Variants in GAR1 observed in about 807,000 individuals in gnomAD.
The protein encoded by GAR1 is GAR1 ribonucleoprotein.
GAR1 carries 11 observed loss-of-function variants against 29.3 expected under a neutral mutation model. That is an observed-to-expected ratio of 0.38 (90% CI 0.24 to 0.62). The LOEUF (loss-of-function observed/expected upper bound fraction) is 0.62, where lower values mean the gene tolerates loss of function less well. GAR1 is among the 20% of genes least tolerant of loss of function. GAR1 has a pLI of 0.62. For missense variants in GAR1, 237 were observed against 268.4 expected (o/e 0.88, Z 0.82); for synonymous variants, 87 against 93.3 (o/e 0.93, Z 0.39).
intron 4 of GAR1, chr4:109,819,391 C>G (rs775495369): frequency 1.6e-5 from 5 of 308,542 alleles, no homozygotes; most frequent in South Asian, 1.4e-4. Flanking sequence ...GTAAAACTTA[C>G]GTTATTTGAG....
chr4:109,822,135 A>T (rs1000728904), intron 4 of GAR1, among the ~76,000 whole-genome samples: 5 of 142,202 alleles, frequency 3.5e-5, no homozygotes, highest in African/African-American at 1.0e-4. Flanking sequence ...CGTTCTGCAC[A>T]TGTATCCCAG....
intron 4 of GAR1, 71 bp from the exon 5 acceptor site, chr4:109,822,276 A>C: frequency 2.2e-6 from 2 of 928,182 alleles, no homozygotes; most frequent in Non-Finnish European, 3.3e-6. Flanking sequence ...TGACTCTATC[A>C]TGTAGCTTCT....
At chr4:109,824,215 A>T (rs1733592731) in intron 6 of GAR1, among the ~76,000 whole-genome samples, 182 bp downstream of exon 6, 2 of 151,432 alleles carry the variant, frequency 1.3e-5, no homozygotes, top group Non-Finnish European at 2.9e-5. Flanking sequence ...TTTCTTTTCA[A>T]TTTTTTCACC....
intron 4 of GAR1, 99 bp from the exon 5 acceptor site, chr4:109,822,247 GT>G: frequency 1.5e-6 from 1 of 668,184 alleles, no homozygotes; most frequent in South Asian, 1.9e-5. Context: ...TAGGATTGGG[GT>G]TTGAACCCAG....
In GAR1 at chr4:109,816,059, C is replaced by T; in HGVS notation, c.-12-94C>T. On this transcript the variant is annotated intron_variant, in intron 1 of 6. Transcript: ENST00000226796. ...GGTGAGGTGACAGGGCTGCTTTTGT[C>T]TCCTTTATGGTGTTCTCACCGCAGC... 6 of 1,221,564 alleles carry T rather than the reference C, an allele frequency of 4.9e-6. No homozygotes were observed. In the South Asian group the frequency reaches 5.0e-5, roughly 10 times the overall value. 75.7% of individuals were successfully genotyped at this position (1,221,564 alleles called of 1,614,324 possible).
At chr4:109,820,704 A>T (rs1733490580) in intron 4 of GAR1, among the ~76,000 whole-genome samples, 3 of 152,218 alleles carry the variant, frequency 2.0e-5, no homozygotes, top group African/African-American at 7.2e-5. Flanking sequence ...CCACATAGAC[A>T]TCAGGGAGTC....
In GAR1 at chr4:109,824,516, T is replaced by A; in HGVS notation, c.*85T>A. The A allele has an allele frequency of 3.0e-6, 3 of 990,434 alleles. No individual in the cohort carries two copies. The highest frequency in any genetic ancestry group is 1.6e-5 in the African/African-American group (1 of 62,618). The allele number at this position is 990,434 out of a possible 1,614,324, so 61.4% of individuals were successfully genotyped here. Reference sequence around the variant, plus strand: ...TACTATGGATTGGAAACTTGTTTCTTGAACAAGTCTTGAAGATCTTGGTCA... The same window carrying A: ...TACTATGGATTGGAAACTTGTTTCTAGAACAAGTCTTGAAGATCTTGGTCA... On this transcript the variant is annotated 3_prime_UTR_variant, in exon 7 of 7. Transcript: ENST00000226796.
intron 1 of GAR1, 155 bp downstream of exon 1, chr4:109,815,959 G>T (rs114203153): frequency 1.3e-5 from 8 of 635,864 alleles, no homozygotes; most frequent in Non-Finnish European, 1.9e-5. Flanking sequence ...GTGTGTGGTC[G>T]GTCGGCGCTC....
chr4:109,819,379 TTGTAAAA>T, intron 4 of GAR1: 1 of 329,980 alleles, frequency 3.0e-6, no homozygotes, highest in Non-Finnish European at 5.6e-6. Context: ...GAATCTTAAT[TTGTAAAA>T]CTTACGTTAT....
At chr4:109,815,893 C>T (rs1332997225) in intron 1 of GAR1, 89 bp downstream of exon 1, 3 of 483,190 alleles carry the variant, frequency 6.2e-6, no homozygotes, top group Non-Finnish European at 1.1e-5. Flanking sequence ...GGATGCGGTG[C>T]GAAGACCTTG....
At position 109,824,465 on chromosome 4, in the gene GAR1, C is replaced by T. The variant is rs1443382227; in HGVS notation, c.*34C>T. 2 of 1,451,010 alleles carry T rather than the reference C, an allele frequency of 1.4e-6. No homozygotes were observed. The highest frequency in any genetic ancestry group is 1.9e-6 in the Non-Finnish European group (2 of 1,032,962). 89.9% of individuals were successfully genotyped at this position (1,451,010 alleles called of 1,614,324 possible). ...GTTGACAGACATCACCAGTTGACTT[C>T]TGCATTAACCTGCATGATCTGTTTC... On this transcript the variant is annotated 3_prime_UTR_variant, in exon 7 of 7. Transcript: ENST00000226796.
chr4:109,815,969 C>T, intron 1 of GAR1, 165 bp downstream of exon 1: 2 of 664,376 alleles, frequency 3.0e-6, no homozygotes, highest in Non-Finnish European at 5.3e-6. Flanking sequence ...GGTCGGCGCT[C>T]ACGAGACCAT....
chr4:109,816,430 G>A, intron 2 of GAR1, 52 bp downstream of exon 2: 1 of 1,557,686 alleles, frequency 6.4e-7, no homozygotes, highest in East Asian at 2.2e-5. Flanking sequence ...GTGGGTTGGG[G>A]GTTTGTGTTG....
At chr4:109,823,637 A>G (rs544363752) in intron 5 of GAR1, among the ~76,000 whole-genome samples, 2 of 152,338 alleles carry the variant, frequency 1.3e-5, no homozygotes, top group East Asian at 3.9e-4. Flanking sequence ...AAAAGTATTT[A>G]TCATAAGCAA....
At chr4:109,819,324 A>G (rs1337491152) in intron 4 of GAR1, 1 of 444,522 alleles carries the variant, frequency 2.2e-6, no homozygotes, top group East Asian at 4.7e-5. Context: ...TTGTTTATGT[A>G]AAACTCTCTT....
In GAR1 at chr4:109,817,845, C is replaced by A. The variant is rs562538499; in HGVS notation, c.215-91C>A. ...CAGAGGAGAGCAGTTATGGTGAAGT[C>A]CCAGGTAGCCAAAAAGAAAGCTTCC... On this transcript the variant is annotated intron_variant, in intron 2 of 6. Transcript: ENST00000226796. The A allele has an allele frequency of 1.9e-4, 200 of 1,033,112 alleles. 3 individuals carry two copies. The South Asian group carries it at 2.8e-3, about 14-fold the overall frequency. 64.0% of individuals were successfully genotyped at this position (1,033,112 alleles called of 1,614,324 possible). A position where few individuals can be genotyped will look rare whatever the true frequency, so the allele number is the denominator to read the frequency against.
At chr4:109,820,325 G>A (rs1240400923) in intron 4 of GAR1, among the ~76,000 whole-genome samples, 1 of 152,160 alleles carries the variant, frequency 6.6e-6, no homozygotes, top group African/African-American at 2.4e-5. Flanking sequence ...TGCAGAGGAG[G>A]GGGATTGGGG....
intron 4 of GAR1, among the ~76,000 whole-genome samples, chr4:109,820,753 G>A (rs189699513): frequency 7.9e-5 from 12 of 152,226 alleles, no homozygotes; most frequent in Admixed American, 7.8e-4. Flanking sequence ...AGCCAGAATG[G>A]ATTAGGAAAT....
chr4:109,822,396 G>C lies in GAR1; in HGVS notation c.479G>C (p.Arg160Pro), dbSNP rs764973341. ...KLLPLQRFLP[R>P]PPGEKGPPRG... ...CTGCCACTGCAGAGGTTTTTACCTCGACCTCCAGGTGAGAAAGGACCTCCA... is the reference window on the plus strand; with the variant it reads ...CTGCCACTGCAGAGGTTTTTACCTCCACCTCCAGGTGAGAAAGGACCTCCA... The change falls in exon 5 of 7, where the codon CGA (arginine) becomes CCA (proline). Residue 160 changes from arginine (R) to proline (P), a missense_variant. Coordinates refer to ENST00000226796, the MANE Select transcript of GAR1 (RefSeq NM_018983.4). 6.2e-7 allele frequency: 1 copy of C among 1,610,054 alleles called. No individual in the cohort carries two copies. The highest frequency in any genetic ancestry group is 1.7e-5 in the Admixed American group (1 of 59,508).
Sources: allele counts gnomAD v4.1 joint callset (sites outside exome capture counted in the v4.1 genomes callset), GRCh38; gene constraint gnomAD v4.1.1; transcripts MANE v1.5; gene names NCBI Gene and HGNC (gene_info 2026-07-23, HGNC 2026-07-21).